The following TBC1D4 variants were observed in gnomAD, a reference collection of about 807,000 sequenced individuals.
TBC1D4 encodes the protein TBC (Tre-2, BUB2, CDC16) domain-containing protein.
In TBC1D4, 121 loss-of-function variants were observed where a neutral mutation model predicts 142.5. That is an observed-to-expected ratio of 0.85 (90% CI 0.73 to 0.99). The LOEUF (loss-of-function observed/expected upper bound fraction) is 0.99, where lower values mean the gene tolerates loss of function less well. Ranked by LOEUF, TBC1D4 falls within the 50% of genes least tolerant of loss-of-function variation. The pLI is 0.00. For missense variants in TBC1D4, 1,475 were observed against 1,606.6 expected, an observed-to-expected ratio of 0.92 and a Z score of 1.40; for synonymous variants, 630 against 628.2, an observed-to-expected ratio of 1.00 and a Z score of -0.04.
rs145197730 is a variant in TBC1D4 at position 75,300,951 on chromosome 13, G to A, written c.2911+1292C>T. 7.5e-3 allele frequency among the ~76,000 whole-genome samples: 1,139 copies of A among 152,184 alleles called. 7 individuals carry two copies. The highest frequency in any genetic ancestry group is 0.021 in the South Asian group (101 of 4,824). On this transcript the variant is annotated intron_variant, in intron 16 of 20. Transcript: ENST00000377636. Reference sequence around the variant, plus strand: ...CAATCAGCACAAAAACTCATTTTCAGTTTCTCTGTAAAATCCCCTTTTTAA... The same window carrying A: ...CAATCAGCACAAAAACTCATTTTCAATTTCTCTGTAAAATCCCCTTTTTAA...
intron 1 of TBC1D4, among the ~76,000 whole-genome samples, chr13:75,389,537 A>G (rs555632320): frequency 2.1e-4 from 32 of 152,196 alleles, no homozygotes; most frequent in Non-Finnish European, 4.0e-4. Flanking sequence ...TAACTATTGT[A>G]TCTCCAGAAT....
chr13:75,361,669 C>A (rs1257450248), intron 2 of TBC1D4, among the ~76,000 whole-genome samples: 1 of 152,184 alleles, frequency 6.6e-6, no homozygotes, highest in Non-Finnish European at 1.5e-5. Context: ...CGTGAGCCCC[C>A]GCGCCGGGCC....
At chr13:75,342,647 AT>A (rs1298286402) in intron 5 of TBC1D4, among the ~76,000 whole-genome samples, 13 of 151,662 alleles carry the variant, frequency 8.6e-5, no homozygotes, top group Admixed American at 7.9e-4. Context: ...TTGTTTTTAA[AT>A]TTTTTTTTAA....
chr13:75,355,601 C>A (rs547650450), intron 4 of TBC1D4, among the ~76,000 whole-genome samples: 34 of 152,192 alleles, frequency 2.2e-4, no homozygotes, highest in African/African-American at 6.7e-4. Context: ...ACTCCAATTA[C>A]CTTTAGTTGA....
chr13:75,439,770 C>T (rs1201955020), intron 1 of TBC1D4, among the ~76,000 whole-genome samples: 1 of 151,938 alleles, frequency 6.6e-6, no homozygotes, highest in Non-Finnish European at 1.5e-5. Context: ...GGCATGGTGG[C>T]ACGTGCCTAT....
At chr13:75,382,395 T>G (rs1265255586) in intron 1 of TBC1D4, among the ~76,000 whole-genome samples, 1 of 152,200 alleles carries the variant, frequency 6.6e-6, no homozygotes, top group Non-Finnish European at 1.5e-5. Flanking sequence ...TCCTCAACAC[T>G]GCTCCAACTT....
chr13:75,457,107 T>A (rs1452334107), intron 1 of TBC1D4, among the ~76,000 whole-genome samples: 2 of 152,060 alleles, frequency 1.3e-5, no homozygotes, highest in Non-Finnish European at 2.9e-5. Context: ...GAAATCAGGA[T>A]AATGATTTCT....
At chr13:75,419,026 GTT>G (rs1886044660) in intron 1 of TBC1D4, among the ~76,000 whole-genome samples, 1 of 152,088 alleles carries the variant, frequency 6.6e-6, no homozygotes, top group Non-Finnish European at 1.5e-5. Flanking sequence ...CTAAACGTTT[GTT>G]TTGTGTAACT....
intron 1 of TBC1D4, among the ~76,000 whole-genome samples, chr13:75,467,309 A>G (rs1039294323): frequency 1.3e-5 from 2 of 152,240 alleles, no homozygotes; most frequent in African/African-American, 4.8e-5. Context: ...TGCTGCTTTG[A>G]ACAACACATC....
intron 2 of TBC1D4, among the ~76,000 whole-genome samples, chr13:75,360,285 T>C (rs1882397186): frequency 6.6e-6 from 1 of 151,968 alleles, no homozygotes; most frequent in African/African-American, 2.4e-5. Flanking sequence ...AATAACCCAT[T>C]CAGAAAAATT....
intron 17 of TBC1D4, 66 bp downstream of exon 17, chr13:75,299,264 T>A: frequency 6.2e-7 from 1 of 1,609,332 alleles, no homozygotes; most frequent in African/African-American, 1.3e-5. Flanking sequence ...ACTGTAATAA[T>A]TGAGAAGAGG....
chr13:75,385,582 C>T (rs369220312), intron 1 of TBC1D4, among the ~76,000 whole-genome samples: 2 of 152,180 alleles, frequency 1.3e-5, no homozygotes, highest in African/African-American at 2.4e-5. Flanking sequence ...ACAATTTGAA[C>T]GTGAGTATCT....
intron 1 of TBC1D4, among the ~76,000 whole-genome samples, chr13:75,454,957 C>G (rs566670220): frequency 6.6e-6 from 1 of 152,182 alleles, no homozygotes; most frequent in Non-Finnish European, 1.5e-5. Flanking sequence ...TAAGTACTCT[C>G]TGGGAAAAAT....
intron 1 of TBC1D4, among the ~76,000 whole-genome samples, chr13:75,453,861 CAAA>C (rs749925716): frequency 1.2e-5 from 1 of 81,538 alleles, no homozygotes. Context: ...GACTCTGTCT[CAAA>C]AAAAAAAAAA....
At chr13:75,394,892 C>A (rs1271428046) in intron 1 of TBC1D4, among the ~76,000 whole-genome samples, 2 of 152,152 alleles carry the variant, frequency 1.3e-5, no homozygotes, top group East Asian at 3.9e-4. Context: ...ATTTATTGAG[C>A]AACTGCAATG....
At chr13:75,334,726 G>A (rs1055235640) in intron 8 of TBC1D4, among the ~76,000 whole-genome samples, 2 of 151,904 alleles carry the variant, frequency 1.3e-5, no homozygotes, top group Non-Finnish European at 2.9e-5. Flanking sequence ...TGGGATTACA[G>A]GCACGCAACA....
chr13:75,346,558 T>C (rs935858901), intron 5 of TBC1D4, among the ~76,000 whole-genome samples: 9 of 152,224 alleles, frequency 5.9e-5, no homozygotes, highest in African/African-American at 2.2e-4. Context: ...TGATGGGCAT[T>C]TGGGTTGGTT....
chr13:75,341,544 G>A lies in TBC1D4; in HGVS notation c.1452C>T (p.Leu484=), dbSNP rs777657183. ...CTTGCTCATTATCTGTCAGTGATGA[G>A]AGATGCCTCTGTATCACCAGCTTGG... ...PRAKLVIQRH[L]SSLTDNEQAD... Residue 484 remains leucine, a synonymous_variant, in exon 6 of 21, where the codon CTC becomes CTT. Transcript: ENST00000377636. The A allele has an allele frequency of 3.7e-6, 6 of 1,613,924 alleles. No homozygotes were observed. Among genetic ancestry groups the A allele is most frequent in the Non-Finnish European group, 5.1e-6 (6 of 1,180,012 alleles).
At chr13:75,381,441 T>C (rs190314337) in intron 1 of TBC1D4, among the ~76,000 whole-genome samples, 3 of 152,338 alleles carry the variant, frequency 2.0e-5, no homozygotes, top group Admixed American at 2.0e-4. Context: ...TATCAAGTAA[T>C]AGGATTTCTC....
Sources: allele counts gnomAD v4.1 joint callset (sites outside exome capture counted in the v4.1 genomes callset), GRCh38; gene constraint gnomAD v4.1.1; transcripts MANE v1.5; gene names NCBI Gene and HGNC (gene_info 2026-07-23, HGNC 2026-07-21).